The following LRRTM4 variants were observed in gnomAD, a reference collection of about 807,000 sequenced individuals.
LRRTM4 encodes the protein leucine-rich repeat transmembrane neuronal protein 4.
Under a neutral mutation model 47.6 loss-of-function variants are expected in LRRTM4, and 25 were observed. The observed-to-expected ratio is 0.53, with a 90% CI of 0.38 to 0.73. The LOEUF is 0.73. LRRTM4 is among the 30% of genes least tolerant of loss of function. The pLI is 0.00. For missense variants in LRRTM4, 638 were observed against 713.4 expected (o/e 0.89, Z 1.20); for synonymous variants, 311 against 269.5 (o/e 1.15, Z -1.51).
At chr2:77,081,092 G>A (rs1319294854) in intron 3 of LRRTM4, among the ~76,000 whole-genome samples, 3 of 151,996 alleles carry the variant, frequency 2.0e-5, no homozygotes, top group African/African-American at 4.8e-5. Flanking sequence ...AGTCTTTTCA[G>A]TTCTCATTGC....
At chr2:77,426,184 C>A (rs1675097603) in intron 3 of LRRTM4, among the ~76,000 whole-genome samples, 1 of 151,694 alleles carries the variant, frequency 6.6e-6, no homozygotes, top group Admixed American at 6.6e-5. Context: ...ATCAAAAATT[C>A]TCTTGAATCT....
intron 3 of LRRTM4, among the ~76,000 whole-genome samples, chr2:77,087,243 T>G (rs769567564): frequency 6.6e-6 from 1 of 152,182 alleles, no homozygotes; most frequent in Non-Finnish European, 1.5e-5. Context: ...GAAAGGCCTA[T>G]TTCCTAAGTG....
At chr2:77,235,920 C>T (rs1417528724) in intron 3 of LRRTM4, among the ~76,000 whole-genome samples, 2 of 151,882 alleles carry the variant, frequency 1.3e-5, no homozygotes, top group Non-Finnish European at 2.9e-5. Context: ...CTACTGTATC[C>T]CTGCCCTATA....
At chr2:76,788,013 A>G (rs1363672494) in intron 3 of LRRTM4, among the ~76,000 whole-genome samples, 1 of 152,184 alleles carries the variant, frequency 6.6e-6, no homozygotes, top group Non-Finnish European at 1.5e-5. Context: ...TAATATATGT[A>G]AAAACAATTA....
At chr2:76,789,999 A>C (rs1480660062) in intron 3 of LRRTM4, among the ~76,000 whole-genome samples, 1 of 152,182 alleles carries the variant, frequency 6.6e-6, no homozygotes, top group East Asian at 1.9e-4. Context: ...GTGTCGTTAC[A>C]GGACAGTTCT....
intron 3 of LRRTM4, among the ~76,000 whole-genome samples, chr2:76,999,686 A>G (rs559424025): frequency 2.0e-5 from 3 of 152,264 alleles, no homozygotes; most frequent in Non-Finnish European, 4.4e-5. Flanking sequence ...ATCTACATGT[A>G]TCTGGCATAC....
chr2:76,821,210 AC>A (rs1054391621), intron 3 of LRRTM4, among the ~76,000 whole-genome samples: 12 of 151,728 alleles, frequency 7.9e-5, no homozygotes, highest in African/African-American at 2.7e-4. Context: ...CAAAGCCAAA[AC>A]TTTTATGGAT....
intron 3 of LRRTM4, among the ~76,000 whole-genome samples, chr2:77,293,065 T>C (rs1194445179): frequency 6.6e-6 from 1 of 152,044 alleles, no homozygotes; most frequent in Admixed American, 6.6e-5. Flanking sequence ...TGAGCTTGTA[T>C]ACTTGATAGC....
chr2:77,326,261 T>G (rs778644502), intron 3 of LRRTM4, among the ~76,000 whole-genome samples: 28 of 152,244 alleles, frequency 1.8e-4, no homozygotes, highest in Non-Finnish European at 3.8e-4. Context: ...TCTCACATCA[T>G]GTAAAACTTG....
chr2:76,765,895 C>G (rs1475522489), intron 3 of LRRTM4, among the ~76,000 whole-genome samples: 1 of 152,152 alleles, frequency 6.6e-6, no homozygotes, highest in Non-Finnish European at 1.5e-5. Flanking sequence ...GCTGATGAAG[C>G]ATTTTGTGAG....
At chr2:76,800,583 A>G (rs573454280) in intron 3 of LRRTM4, among the ~76,000 whole-genome samples, 85 of 128,518 alleles carry the variant, frequency 6.6e-4, no homozygotes, top group South Asian at 2.1e-3. Context: ...CAATGGCAAC[A>G]AAAGCCAAAA....
chr2:77,375,109 A>G (rs958091902), intron 3 of LRRTM4, among the ~76,000 whole-genome samples: 4 of 151,472 alleles, frequency 2.6e-5, no homozygotes, highest in Non-Finnish European at 5.9e-5. Flanking sequence ...TTCTCTCTGT[A>G]TGCTTCACCC....
chr2:77,234,766 A>C (rs60511026), intron 3 of LRRTM4, among the ~76,000 whole-genome samples: 15,699 of 152,054 alleles, frequency 0.1, 1,148 homozygotes, highest in East Asian at 0.33. Flanking sequence ...AACTTCTAAA[A>C]AATTTAGATT....
At chr2:77,182,113 C>T (rs914914266) in intron 3 of LRRTM4, among the ~76,000 whole-genome samples, 1 of 152,146 alleles carries the variant, frequency 6.6e-6, no homozygotes, top group African/African-American at 2.4e-5. Context: ...TATAAAGATA[C>T]ATGCACACAT....
intron 3 of LRRTM4, among the ~76,000 whole-genome samples, chr2:77,499,884 C>T (rs546047140): frequency 6.6e-6 from 1 of 151,898 alleles, no homozygotes; most frequent in East Asian, 1.9e-4. Context: ...TTAAACAGAG[C>T]ACTTTCCTAA....
intron 3 of LRRTM4, among the ~76,000 whole-genome samples, chr2:76,757,024 A>G (rs1673055823): frequency 6.6e-6 from 1 of 152,172 alleles, no homozygotes; most frequent in Non-Finnish European, 1.5e-5. Flanking sequence ...AATTCATTAA[A>G]TTTATTAACA....
chr2:77,450,261 C>G (rs561941906), intron 3 of LRRTM4, among the ~76,000 whole-genome samples: 2 of 150,002 alleles, frequency 1.3e-5, no homozygotes. Context: ...TTTCTCTCTC[C>G]GTCTCTCTCT....
Position 77,093,716 on chromosome 2 carries a change from ACATATACGCC to A in LRRTM4, c.1552-344810_1552-344801del, listed in dbSNP as rs1335020395. Among the ~76,000 whole-genome samples, 26 of 152,116 alleles carry A rather than the reference ACATATACGCC, an allele frequency of 1.7e-4. 1 individual carries two copies. The highest frequency in any genetic ancestry group is 5.6e-4 in the African/African-American group (23 of 41,386). On this transcript the variant is annotated intron_variant, in intron 3 of 3. Coordinates refer to ENST00000409884, the MANE Select transcript of LRRTM4 (RefSeq NM_001134745.3). ...AGCCATCGCATCCCCTGTGACTTGC[ACATATACGCC>A]CAGATGGCCTGAAGTAACTGAAGAA...
intron 3 of LRRTM4, among the ~76,000 whole-genome samples, chr2:77,415,962 T>C (rs906192668): frequency 6.6e-6 from 1 of 152,144 alleles, no homozygotes; most frequent in Non-Finnish European, 1.5e-5. Flanking sequence ...TTATTTTTGG[T>C]TACTAGATGG....
Sources: gnomAD v4.1 joint callset for allele counts (sites outside exome capture counted in the v4.1 genomes callset) on GRCh38, gnomAD v4.1.1 for gene constraint, MANE v1.5 for transcripts, NCBI Gene and HGNC (gene_info 2026-07-23, HGNC 2026-07-21) for gene names.